Variants in LRP4 observed in about 807,000 individuals in gnomAD.
LRP4 encodes the protein LDL receptor related protein 4, also known as low-density lipoprotein receptor-related protein 4.
LRP4 carries 95 observed loss-of-function variants against 220.3 expected under a neutral mutation model. The ratio of observed to expected loss-of-function variants is 0.43; its 90% confidence interval spans 0.37 to 0.51. The LOEUF (loss-of-function observed/expected upper bound fraction) is 0.51. Among genes scored for constraint, LRP4 ranks in the 20% least tolerant of loss-of-function variants. LRP4 has a pLI of 0.00. For missense variants in LRP4, 1,925 were observed against 2,567.0 expected, an observed-to-expected ratio of 0.75 and a Z score of 5.40; for synonymous variants, 903 against 954.6, an observed-to-expected ratio of 0.95 and a Z score of 1.00.
In LRP4 at chr11:46,892,979, A is replaced by G. The variant is rs754559385; in HGVS notation, c.1691T>C (p.Met564Thr). ...AGCCTGAGATACAACTTACCCCTCC[A>G]TGGGATGCAAGGCAATGGCCCGGGG... ...EKPRAIALHP[M>T]EGTIYWTDWG... The change falls in exon 13 of 38, where the codon ATG becomes ACG. Residue 564 changes from methionine (M) to threonine (T), a missense_variant. Met to Thr is a moderately conservative substitution (Grantham distance 81). This residue lies in a region of LRP4 where 269 missense variants were observed against 436.7 expected (regional missense o/e 0.62). Coordinates refer to ENST00000378623, the MANE Select transcript of LRP4 (RefSeq NM_002334.4). The G allele has an allele frequency of 1.4e-5, 22 of 1,613,238 alleles. No homozygotes were observed. The highest frequency in any genetic ancestry group is 1.6e-5 in the Non-Finnish European group (19 of 1,179,940).
At chr11:46,886,584 A>G (rs774460161) in intron 16 of LRP4, 51 bp from the exon 17 acceptor site, 1 of 1,476,354 alleles carries the variant, frequency 6.8e-7, no homozygotes, top group South Asian at 1.2e-5. Context: ...ATCCAAGAAC[A>G]GTGACAGACA....
chr11:46,866,830 G>A (rs1412673021), intron 34 of LRP4, among the ~76,000 whole-genome samples: 1 of 152,044 alleles, frequency 6.6e-6, no homozygotes, highest in African/African-American at 2.4e-5. Flanking sequence ...TGAAGTAGGA[G>A]GATCACATGA....
At position 46,876,788 on chromosome 11, in the gene LRP4, C is replaced by T. The variant is rs750691101; in HGVS notation, c.3320G>A (p.Arg1107His). 1.2e-5 allele frequency: 20 copies of T among 1,613,988 alleles called. No individual in the cohort carries two copies. Among genetic ancestry groups the T allele is most frequent in the East Asian group, 2.2e-5 (1 of 44,900 alleles). ...ATGCTGTGAGCCATCCAGATTGGCA[C>T]GACTGATCCTGTGCAGTGTGCTGTC... ...WSDSTLHRIS[R>H]ANLDGSQHED... The change falls in exon 24 of 38, where the codon CGT becomes CAT. Residue 1107 changes from arginine to histidine, a missense_variant. Arg to His is a conservative substitution (Grantham distance 29, BLOSUM62 0). This residue lies in a region of LRP4 where 1,244 missense variants were observed against 1,624.9 expected (regional missense o/e 0.77). Coordinates refer to ENST00000378623, the MANE Select transcript of LRP4 (RefSeq NM_002334.4).
At chr11:46,888,458 C>T (rs1941345418) in intron 16 of LRP4, among the ~76,000 whole-genome samples, 2 of 138,566 alleles carry the variant, frequency 1.4e-5, no homozygotes, top group African/African-American at 5.3e-5. Context: ...GAAGCTAAGG[C>T]AGGAGAATAG....
At chr11:46,871,427 G>T in intron 31 of LRP4, 98 bp downstream of exon 31, 2 of 875,742 alleles carry the variant, frequency 2.3e-6, no homozygotes, top group Non-Finnish European at 3.8e-6. Flanking sequence ...GCAATAGCAC[G>T]TCTGTTCAGT....
At position 46,875,238 on chromosome 11, in the gene LRP4, G is replaced by T; in HGVS notation, c.3926-135C>A. 1 of 1,012,946 alleles carries T rather than the reference G, an allele frequency of 9.9e-7. No homozygotes were observed. The highest frequency in any genetic ancestry group is 1.4e-5 in the South Asian group (1 of 72,842). 62.7% of individuals were successfully genotyped at this position (1,012,946 alleles called of 1,614,324 possible). ...CAGTGCCTGGCAGGGTGAGGTAGAA[G>T]GAGGGTCTGCAGGAGGATCTCCAGG... On this transcript the variant is annotated intron_variant, in intron 27 of 37. Transcript: ENST00000378623. This position sits in a 1 kb window ranked among gnomAD's most constrained non-coding sequence, Gnocchi z 4.5.
chr11:46,912,890 C>T (rs561359055), intron 1 of LRP4, among the ~76,000 whole-genome samples: 3 of 152,342 alleles, frequency 2.0e-5, no homozygotes, highest in African/African-American at 7.2e-5. Context: ...TATGCAGCAG[C>T]ACCTCTGTGT....
In LRP4 at chr11:46,862,720, A is replaced by G; in HGVS notation, c.5271T>C (p.Pro1757=). Reference sequence around the variant, plus strand: ...TGCTGTAGGTGAGGTTCCCCATTCCAGGATCAGTGAACTTGGATTTTTTGT... The same window carrying G: ...TGCTGTAGGTGAGGTTCCCCATTCCGGGATCAGTGAACTTGGATTTTTTGT... ...YRHKKSKFTD[P]GMGNLTYSNP... Residue 1757 remains proline (P), a synonymous_variant, in exon 37 of 38, where the codon CCT becomes CCC. Coordinates refer to ENST00000378623, the MANE Select transcript of LRP4 (RefSeq NM_002334.4). 1 of 1,614,050 alleles carries G rather than the reference A, an allele frequency of 6.2e-7. No individual in the cohort carries two copies. Among genetic ancestry groups the G allele is most frequent in the African/African-American group, 1.3e-5 (1 of 74,982 alleles).
chr11:46,881,666 G>GTGCCACCCTTACCTTCCTCTTAC lies in LRP4; in HGVS notation c.2814+13_2814+35dup. The stretch of plus-strand genomic sequence containing the variant: ...GTCAAGGCTGTGGGAAGATGTTTTA[G>GTGCCACCCTTACCTTCCTCTTAC]TGCCACCCTTACCTTCCTCTTACTG... On this transcript the variant is annotated intron_variant, in intron 20 of 37. Coordinates refer to ENST00000378623, the MANE Select transcript of LRP4 (RefSeq NM_002334.4). 1.9e-3 allele frequency: 3,050 copies of GTGCCACCCTTACCTTCCTCTTAC among 1,599,066 alleles called. 50 individuals carry two copies. The East Asian group carries it at 0.038, about 20-fold the overall frequency.
chr11:46,879,390 G>A, intron 20 of LRP4, 75 bp from the exon 21 acceptor site: 1 of 1,501,754 alleles, frequency 6.7e-7, no homozygotes, highest in South Asian at 1.1e-5. Context: ...GCTCACTGTG[G>A]ACTCAGAAAG....
chr11:46,885,856 A>T (rs1192612029), intron 18 of LRP4, among the ~76,000 whole-genome samples: 1 of 151,994 alleles, frequency 6.6e-6, no homozygotes, highest in Non-Finnish European at 1.5e-5. Context: ...GAAATGCCTT[A>T]AAACACTCCC....
rs554529987 is a variant in LRP4, at chr11:46,885,331, C to T, written c.2506+760G>A. On this transcript the variant is annotated intron_variant, in intron 18 of 37. Coordinates refer to ENST00000378623, the MANE Select transcript of LRP4 (RefSeq NM_002334.4). ...TAAGTCTAGGGTGGGGCCCAAGAATCTGCATGTCCAACAACTTCCCAGATG... is the reference window on the plus strand; with the variant it reads ...TAAGTCTAGGGTGGGGCCCAAGAATTTGCATGTCCAACAACTTCCCAGATG... 2.0e-5 allele frequency among the ~76,000 whole-genome samples: 3 copies of T among 152,280 alleles called. No homozygotes were observed. In the South Asian group the frequency reaches 6.2e-4, roughly 32 times the overall value.
In LRP4 at chr11:46,859,238, A is replaced by G. The variant is rs748493532; in HGVS notation, c.5463T>C (p.Ala1821=). 6.2e-7 allele frequency: 1 copy of G among 1,614,056 alleles called. No homozygotes were observed. The highest frequency in any genetic ancestry group is 2.2e-5 in the East Asian group (1 of 44,864). The change falls in exon 38 of 38, where the codon GCT becomes GCC. Residue 1821 remains alanine (A), a synonymous_variant. Coordinates refer to ENST00000378623, the MANE Select transcript of LRP4 (RefSeq NM_002334.4). ...GCAGTTGCTTGAGGTCATCCCACTCAGCATCATCCCCAGACAGGAGGCAGA... is the reference window on the plus strand; with the variant it reads ...GCAGTTGCTTGAGGTCATCCCACTCGGCATCATCCCCAGACAGGAGGCAGA... ...EGICLLSGDD[A]EWDDLKQLRS...
In LRP4 at chr11:46,895,188, G is replaced by A; in HGVS notation, c.1287C>T (p.Asp429=). 6.2e-7 allele frequency: 1 copy of A among 1,614,032 alleles called. No individual in the cohort carries two copies. The highest frequency in any genetic ancestry group is 8.5e-7 in the Non-Finnish European group (1 of 1,180,034). ...WCETGYELRP[D]RRSCKALGPE... is the part of the protein sequence containing the mutation. Reference sequence around the variant, plus strand: ...TACCCAGAGCCTTGCAGCTGCGCCGGTCGGGCCGTAGTTCATAGCCTGTTT... The same window carrying A: ...TACCCAGAGCCTTGCAGCTGCGCCGATCGGGCCGTAGTTCATAGCCTGTTT... Residue 429 remains aspartate, a synonymous_variant, in exon 11 of 38, where the codon GAC becomes GAT. Transcript: ENST00000378623.
chr11:46,892,606 C>A (rs1305464950), intron 13 of LRP4, among the ~76,000 whole-genome samples: 2 of 140,932 alleles, frequency 1.4e-5, no homozygotes, highest in Non-Finnish European at 3.0e-5. Flanking sequence ...GAGTCTTGCT[C>A]TTTCTCCCAG....
In LRP4 at chr11:46,869,042, C is replaced by T. The variant is rs1277754891; in HGVS notation, c.4783G>A (p.Ala1595Thr). Reference protein sequence around the residue: ...YSGRNKETVLANVEGLMDIIV... With the variant: ...YSGRNKETVLTNVEGLMDIIV... ...ATATCCATGAGTCCTTCCACATTTG[C>T]CAGCACTGTCTCCTTGTTCCGGCCT... Residue 1595 changes from alanine (A) to threonine (T), a missense_variant, in exon 32 of 38, where the codon GCA becomes ACA. Ala to Thr is a moderately conservative substitution (Grantham distance 58, BLOSUM62 0). Coordinates refer to ENST00000378623, the MANE Select transcript of LRP4 (RefSeq NM_002334.4). 6.2e-7 allele frequency: 1 copy of T among 1,614,146 alleles called. No homozygotes were observed. The highest frequency in any genetic ancestry group is 8.5e-7 in the Non-Finnish European group (1 of 1,180,030).
At chr11:46,887,465 G>A (rs1048972805) in intron 16 of LRP4, among the ~76,000 whole-genome samples, 7 of 151,266 alleles carry the variant, frequency 4.6e-5, no homozygotes, top group Non-Finnish European at 1.0e-4. Context: ...TTGAGGGGCT[G>A]AGGTGGGGTC....
At chr11:46,880,944 C>T (rs1941140157) in intron 20 of LRP4, among the ~76,000 whole-genome samples, 1 of 150,792 alleles carries the variant, frequency 6.6e-6, no homozygotes, top group Non-Finnish European at 1.5e-5. Context: ...CGTTATGGCT[C>T]ATGCGTGTAG....
Position 46,893,140 on chromosome 11 carries a change from G to C in LRP4, c.1541-11C>G. 1 of 1,614,142 alleles carries C rather than the reference G, an allele frequency of 6.2e-7. No individual in the cohort carries two copies. Among genetic ancestry groups the C allele is most frequent in the Non-Finnish European group, 8.5e-7 (1 of 1,179,994 alleles). Reference sequence around the variant, plus strand: ...CCACAGCCAGGCCCCCTGGTGAGAAGCAGCAGCAAAAAATGTCAAGGAGTC... The same window carrying C: ...CCACAGCCAGGCCCCCTGGTGAGAACCAGCAGCAAAAAATGTCAAGGAGTC... On this transcript the variant is annotated splice_polypyrimidine_tract_variant and intron_variant, in intron 12 of 37. Transcript: ENST00000378623.
Sources: gnomAD v4.1 joint callset for allele counts (sites outside exome capture counted in the v4.1 genomes callset) on GRCh38, gnomAD v4.1.1 for gene constraint, gnomAD v4.1.1 regional missense constraint, Gnocchi (gnomAD v3.1) non-coding constraint, MANE v1.5 for transcripts, NCBI Gene and HGNC (gene_info 2026-07-23, HGNC 2026-07-21) for gene names.